CACNB2: variants seen among roughly 807,000 people sequenced by gnomAD.
The protein encoded by CACNB2 is calcium voltage-gated channel auxiliary subunit beta 2.
In CACNB2, 42 loss-of-function variants were observed where a neutral mutation model predicts 73.3. The observed-to-expected ratio is 0.57, with a 90% CI of 0.45 to 0.74. The LOEUF is 0.74. CACNB2 is among the 30% of genes least tolerant of loss of function. CACNB2 has a pLI of 0.00. For synonymous variants in CACNB2, 348 were observed against 310.3 expected (o/e 1.12, Z -1.28); for missense variants, 940 against 853.0 (o/e 1.10, Z -1.27).
At chr10:18,165,675 T>C (rs1255426404) in intron 2 of CACNB2, among the ~76,000 whole-genome samples, 2 of 152,210 alleles carry the variant, frequency 1.3e-5, no homozygotes, top group African/African-American at 2.4e-5. Flanking sequence ...ACCACTATTA[T>C]GCCAGGGAAG....
At chr10:18,499,917 G>A (rs1468910507) in intron 4 of CACNB2, among the ~76,000 whole-genome samples, 1 of 151,926 alleles carries the variant, frequency 6.6e-6, no homozygotes, top group African/African-American at 2.4e-5. Flanking sequence ...ACAGGAGTGA[G>A]CCAGGATCAT....
intron 3 of CACNB2, among the ~76,000 whole-genome samples, chr10:18,403,710 A>G (rs1734680656): frequency 6.6e-6 from 1 of 152,206 alleles, no homozygotes; most frequent in South Asian, 2.1e-4. Flanking sequence ...GGGTCGTGTT[A>G]CTTGTCCTAC....
intron 2 of CACNB2, among the ~76,000 whole-genome samples, chr10:18,175,122 G>A (rs951306522): frequency 3.9e-5 from 6 of 152,132 alleles, no homozygotes; most frequent in African/African-American, 9.7e-5. Context: ...TTAAATAGAC[G>A]TATAGAATCT....
intron 2 of CACNB2, among the ~76,000 whole-genome samples, chr10:18,232,449 A>G (rs923774536): frequency 6.6e-6 from 1 of 152,218 alleles, no homozygotes; most frequent in Admixed American, 6.5e-5. Context: ...CCTTCTTGAC[A>G]GGTAAGAAAG....
At chr10:18,456,519 C>T (rs544083669) in intron 3 of CACNB2, among the ~76,000 whole-genome samples, 1 of 152,094 alleles carries the variant, frequency 6.6e-6, no homozygotes, top group Non-Finnish European at 1.5e-5. Context: ...AGAACAGCGC[C>T]AAGATATAGT....
At chr10:18,386,791 A>G (rs2043254665) in intron 2 of CACNB2, among the ~76,000 whole-genome samples, 1 of 152,184 alleles carries the variant, frequency 6.6e-6, no homozygotes, top group Non-Finnish European at 1.5e-5. Context: ...TAAGAGAGCT[A>G]GGTACTGGAA....
intron 3 of CACNB2, among the ~76,000 whole-genome samples, chr10:18,413,766 G>T (rs1049799050): frequency 1.3e-5 from 2 of 152,184 alleles, no homozygotes; most frequent in African/African-American, 4.8e-5. Flanking sequence ...TTTGCCATTT[G>T]TAAAAGGACA....
At chr10:18,535,688 G>C (rs1008477635) in intron 11 of CACNB2, among the ~76,000 whole-genome samples, 3 of 152,006 alleles carry the variant, frequency 2.0e-5, no homozygotes, top group Non-Finnish European at 4.4e-5. Context: ...CAGGAGAATG[G>C]TGTGAACCTG....
chr10:18,446,179 G>A (rs1296562968), intron 3 of CACNB2, among the ~76,000 whole-genome samples: 1 of 152,156 alleles, frequency 6.6e-6, no homozygotes, highest in African/African-American at 2.4e-5. Flanking sequence ...TAAGGACCAG[G>A]GGTCCTTTTG....
At chr10:18,521,879 C>T (rs2051923784) in intron 9 of CACNB2, among the ~76,000 whole-genome samples, 1 of 152,202 alleles carries the variant, frequency 6.6e-6, no homozygotes, top group Non-Finnish European at 1.5e-5. Flanking sequence ...AATGCAACTA[C>T]AATAGATCAG....
At chr10:18,512,649 G>A (rs2050877583) in intron 6 of CACNB2, among the ~76,000 whole-genome samples, 2 of 152,066 alleles carry the variant, frequency 1.3e-5, no homozygotes, top group African/African-American at 4.8e-5. Flanking sequence ...ATCAAAATAG[G>A]AAACACTACA....
At chr10:18,304,148 G>A (rs781727833) in intron 2 of CACNB2, among the ~76,000 whole-genome samples, 1 of 152,098 alleles carries the variant, frequency 6.6e-6, no homozygotes, top group Non-Finnish European at 1.5e-5. Flanking sequence ...TAGAGATAGG[G>A]TTGCATTATG....
chr10:18,476,249 T>C (rs1447309205), intron 3 of CACNB2, among the ~76,000 whole-genome samples: 5 of 152,190 alleles, frequency 3.3e-5, no homozygotes. Context: ...TAATGCATTG[T>C]AATTAGTGTA....
chr10:18,446,456 T>G (rs2046739272), intron 3 of CACNB2, among the ~76,000 whole-genome samples: 1 of 152,116 alleles, frequency 6.6e-6, no homozygotes, highest in African/African-American at 2.4e-5. Flanking sequence ...GCCTGACATG[T>G]TAAGGTGACT....
intron 2 of CACNB2, among the ~76,000 whole-genome samples, chr10:18,337,206 T>G (rs1434064623): frequency 6.6e-6 from 1 of 152,164 alleles, no homozygotes; most frequent in African/African-American, 2.4e-5. Flanking sequence ...CTTGGCTCAC[T>G]GCCCCCTCGA....
chr10:18,429,392 G>A (rs1218080443), intron 3 of CACNB2, among the ~76,000 whole-genome samples: 7 of 151,934 alleles, frequency 4.6e-5, no homozygotes, highest in African/African-American at 1.5e-4. Flanking sequence ...TTCCTGCTTC[G>A]GATTCATTGT....
chr10:18,169,113 C>T (rs969713266), intron 2 of CACNB2, among the ~76,000 whole-genome samples: 7 of 151,834 alleles, frequency 4.6e-5, no homozygotes, highest in Non-Finnish European at 7.4e-5. Flanking sequence ...CAAAGAAAAT[C>T]GAGCATGATC....
intron 2 of CACNB2, among the ~76,000 whole-genome samples, chr10:18,363,036 G>A (rs939232090): frequency 3.9e-5 from 6 of 152,188 alleles, no homozygotes; most frequent in Non-Finnish European, 5.9e-5. Context: ...GATTGTCTGT[G>A]TTGAAGACAG....
chr10:18,406,326 A>G (rs2044286484), intron 3 of CACNB2, among the ~76,000 whole-genome samples: 1 of 152,116 alleles, frequency 6.6e-6, no homozygotes, highest in African/African-American at 2.4e-5. Context: ...TTAAAAGTAG[A>G]CCTCACAGCA....
Sources: gnomAD v4.1 joint callset for allele counts (sites outside exome capture counted in the v4.1 genomes callset) on GRCh38, gnomAD v4.1.1 for gene constraint, MANE v1.5 for transcripts, NCBI Gene and HGNC (gene_info 2026-07-23, HGNC 2026-07-21) for gene names.